The following ZC3H12B variants were observed in gnomAD, a reference collection of about 807,000 sequenced individuals.
ZC3H12B encodes probable ribonuclease ZC3H12B.
ZC3H12B carries 7 observed loss-of-function variants against 43.9 expected under a neutral mutation model. The observed-to-expected ratio is 0.16, with a 90% CI of 0.09 to 0.30. The LOEUF (loss-of-function observed/expected upper bound fraction) is 0.30. Ranked by LOEUF, ZC3H12B falls within the 10% of genes least tolerant of loss-of-function variation. The pLI is 1.00. For synonymous variants in ZC3H12B, 222 were observed against 241.7 expected, an observed-to-expected ratio of 0.92 and a Z score of 0.76; for missense variants, 475 against 670.2, an observed-to-expected ratio of 0.71 and a Z score of 3.22.
At chrX:65,185,894 C>G in the ZC3H12B span, 1 of 111,327 alleles carries the variant, frequency 9.0e-6, no homozygotes, top group Non-Finnish European at 1.9e-5. Flanking sequence ...TGGTAAGATG[C>G]CAACAGAGCA....
chrX:65,222,602 AAAT>A, the ZC3H12B span, among the ~76,000 whole-genome samples: 9,453 of 91,033 alleles, frequency 0.1, 516 homozygotes, highest in Middle Eastern at 0.15. Context: ...AATAGCTGCA[AAAT>A]AATAATAATA....
At chrX:65,471,011 G>A (rs982196303) in intron 3 of ZC3H12B, among the ~76,000 whole-genome samples, 1 of 111,444 alleles carries the variant, frequency 9.0e-6, no homozygotes, top group African/African-American at 3.3e-5. Context: ...CTGCAGTTTG[G>A]GGGTAGAATG....
At chrX:65,497,372 A>C (rs1387867506) in intron 2 of ZC3H12B, 101 bp downstream of exon 7, 1 of 781,721 alleles carries the variant, frequency 1.3e-6, no homozygotes, top group Non-Finnish European at 1.7e-6. Flanking sequence ...AAAGTTGTTA[A>C]GTATATTTAA....
chrX:65,389,300 A>G (rs2066577494), intron 2 of ZC3H12B, among the ~76,000 whole-genome samples: 1 of 111,916 alleles, frequency 8.9e-6, no homozygotes, highest in Admixed American at 9.4e-5. Context: ...CGCGCTTCCC[A>G]GCTGCTTTGT....
chrX:65,074,130 T>C, the ZC3H12B span, among the ~76,000 whole-genome samples: 1 of 111,919 alleles, frequency 8.9e-6, no homozygotes, highest in Non-Finnish European at 1.9e-5. Flanking sequence ...TCATATCAAC[T>C]TCAAAGGACT....
intron 3 of ZC3H12B, among the ~76,000 whole-genome samples, chrX:65,416,879 C>T (rs1303917075): frequency 9.0e-6 from 1 of 111,496 alleles, no homozygotes; most frequent in Non-Finnish European, 1.9e-5. Flanking sequence ...CTAACAAGAC[C>T]TTCAGTAGAT....
chrX:65,119,839 G>C, the ZC3H12B span, among the ~76,000 whole-genome samples: 3 of 111,718 alleles, frequency 2.7e-5, no homozygotes, highest in Admixed American at 1.9e-4. Context: ...TGTAAGGAAG[G>C]GATCCAGTTT....
the ZC3H12B span, among the ~76,000 whole-genome samples, chrX:65,108,555 G>A: frequency 9.2e-6 from 1 of 109,151 alleles, no homozygotes; most frequent in East Asian, 2.9e-4. Flanking sequence ...GCGATAACAT[G>A]CATGAAGCTG....
chrX:65,157,975 A>T, the ZC3H12B span, among the ~76,000 whole-genome samples: 3 of 86,910 alleles, frequency 3.5e-5, no homozygotes, highest in Non-Finnish European at 6.5e-5. Flanking sequence ...TCCTGTGGCC[A>T]TGTGTTCTCA....
At chrX:65,311,443 G>C in the ZC3H12B span, among the ~76,000 whole-genome samples, 7 of 112,017 alleles carry the variant, frequency 6.2e-5, no homozygotes, top group African/African-American at 1.9e-4. Context: ...ACCACAATGA[G>C]ATACCATTTC....
Position 65,416,625 on chromosome X carries a change from CAA to C in ZC3H12B, n.407+17935_407+17936del, listed in dbSNP as rs56857046. The stretch of plus-strand genomic sequence containing the variant: ...TGAAACCCCGTCTCTACTAAAAATA[CAA>C]AAAAAAAAAAAAATTAGCCAAGTGT... On this transcript the variant is annotated intron_variant and non_coding_transcript_variant, in intron 3 of 5. Transcript: ENST00000617377. 9.4e-4 allele frequency among the ~76,000 whole-genome samples: 83 copies of C among 88,253 alleles called. 1 individual carries two copies. Among genetic ancestry groups the C allele is most frequent in the African/African-American group, 3.0e-3 (80 of 26,377 alleles). The allele number at this position is 88,253 out of a possible 115,157, so 76.6% of individuals were successfully genotyped here.
chrX:65,220,716 C>A, the ZC3H12B span, among the ~76,000 whole-genome samples: 1 of 112,015 alleles, frequency 8.9e-6, no homozygotes, highest in South Asian at 3.7e-4. Context: ...TACTACTAGA[C>A]ATAAGAAATG....
the ZC3H12B span, among the ~76,000 whole-genome samples, chrX:65,139,825 G>A: frequency 1.8e-5 from 2 of 111,262 alleles, no homozygotes; most frequent in Non-Finnish European, 3.8e-5. Context: ...TTATTCCTAA[G>A]CATTTTACTT....
chrX:65,254,397 C>A, the ZC3H12B span, among the ~76,000 whole-genome samples: 1 of 112,269 alleles, frequency 8.9e-6, no homozygotes, highest in Admixed American at 9.4e-5. Context: ...AGTTCGAGGC[C>A]AACACTAGCC....
the ZC3H12B span, among the ~76,000 whole-genome samples, chrX:65,285,569 AC>A: frequency 2.6e-4 from 29 of 111,732 alleles, 1 homozygote; most frequent in South Asian, 0.011. Flanking sequence ...TGATATATTC[AC>A]AGTGCTGACA....
rs750968253 is a variant in ZC3H12B, at chrX:65,374,560, A to C, written n.295+5562A>C. 2.7e-4 allele frequency among the ~76,000 whole-genome samples: 30 copies of C among 110,072 alleles called. 1 individual carries two copies. The South Asian group carries it at 0.012, about 42-fold the overall frequency. ...ACCAAATGTAATAACTATCTAAACA[A>C]AAATAGCACATTCATAAGAAGAAAA... On this transcript the variant is annotated intron_variant and non_coding_transcript_variant, in intron 2 of 5. Coordinates refer to the ZC3H12B transcript ENST00000617377.
chrX:65,131,948 G>A, the ZC3H12B span, among the ~76,000 whole-genome samples: 45 of 111,365 alleles, frequency 4.0e-4, 1 homozygote, highest in Non-Finnish European at 5.3e-4. Context: ...GGTGAGAAGC[G>A]AAGGGGTGGA....
the ZC3H12B span, among the ~76,000 whole-genome samples, chrX:65,360,514 C>T: frequency 8.9e-5 from 10 of 111,977 alleles, no homozygotes; most frequent in African/African-American, 1.6e-4. Flanking sequence ...CTACCACTTA[C>T]CTATTACAAT....
chrX:65,188,011 C>G, the ZC3H12B span, among the ~76,000 whole-genome samples: 1 of 110,954 alleles, frequency 9.0e-6, no homozygotes, highest in Non-Finnish European at 1.9e-5. Context: ...TACATGAGTT[C>G]AATTGTTTTA....
Sources: allele counts gnomAD v4.1 joint callset (sites outside exome capture counted in the v4.1 genomes callset), GRCh38; gene constraint gnomAD v4.1.1; transcripts MANE v1.5; gene names NCBI Gene and HGNC (gene_info 2026-07-23, HGNC 2026-07-21).